Variants in HNF1A observed in about 807,000 individuals in gnomAD.
HNF1A encodes HNF1 homeobox A, also known as hepatocyte nuclear factor 1-alpha.
In HNF1A, 21 loss-of-function variants were observed where a neutral mutation model predicts 62.2. The observed-to-expected ratio is 0.34, with a 90% CI of 0.24 to 0.49. The LOEUF (loss-of-function observed/expected upper bound fraction) is 0.49, where lower values mean the gene tolerates loss of function less well. Ranked by LOEUF, HNF1A falls within the 20% of genes least tolerant of loss-of-function variation. The pLI, the probability that HNF1A is intolerant of heterozygous loss-of-function variation, is 0.99. For missense variants in HNF1A, 687 were observed against 832.3 expected, an observed-to-expected ratio of 0.83 and a Z score of 2.15; for synonymous variants, 374 against 366.8, an observed-to-expected ratio of 1.02 and a Z score of -0.22.
Position 120,993,632 on chromosome 12 carries a change from C to T in HNF1A, c.639C>T (p.Ile213=). The T allele has an allele frequency of 6.2e-7, 1 of 1,614,124 alleles. No homozygotes were observed. Among genetic ancestry groups the T allele is most frequent in the Non-Finnish European group, 8.5e-7 (1 of 1,180,024 alleles). Residue 213 remains isoleucine (I), a synonymous_variant, in exon 3 of 10, where the codon ATC becomes ATT. Transcript: ENST00000257555. ...AGTGGGGCCCAGCATCCCAGCAGAT[C>T]CTGTTCCAGGCCTATGAGAGGCAGA... ...RFKWGPASQQ[I]LFQAYERQKN...
At position 120,999,339 on chromosome 12, in the gene HNF1A, A is replaced by G; in HGVS notation, c.1573A>G (p.Thr525Ala). Residue 525 changes from threonine to alanine, a missense_variant, in exon 8 of 10, where the codon ACC (threonine) becomes GCC (alanine). Coordinates refer to ENST00000257555, the MANE Select transcript of HNF1A (RefSeq NM_000545.8). ...CCTGCTCCCGCAGACTATGCTCATCACCGACACCACCAACCTGAGCGCCCT... is the reference window on the plus strand; with the variant it reads ...CCTGCTCCCGCAGACTATGCTCATCGCCGACACCACCAACCTGAGCGCCCT... The part of the protein sequence containing the change: ...TGLLPQTMLI[T>A]DTTNLSALAS... 2 of 1,613,842 alleles carry G rather than the reference A, an allele frequency of 1.2e-6. No homozygotes were observed. Among genetic ancestry groups the G allele is most frequent in the Non-Finnish European group, 1.7e-6 (2 of 1,179,956 alleles).
At chr12:120,989,982 A>G (rs1462693792) in intron 2 of HNF1A, among the ~76,000 whole-genome samples, 1 of 152,106 alleles carries the variant, frequency 6.6e-6, no homozygotes, top group African/African-American at 2.4e-5. Flanking sequence ...CTGCAAACTC[A>G]GGAAGCTCTG....
At chr12:120,997,045 A>G in intron 6 of HNF1A, 1 of 1,439,090 alleles carries the variant, frequency 6.9e-7, no homozygotes, top group Non-Finnish European at 9.2e-7. Flanking sequence ...GATGTTTTCT[A>G]AGTTTTTGTT....
chr12:120,995,647 C>T (rs992881292), intron 4 of HNF1A, among the ~76,000 whole-genome samples: 2 of 151,870 alleles, frequency 1.3e-5, no homozygotes, highest in Non-Finnish European at 2.9e-5. Context: ...TGTGTTCACA[C>T]AACTCCATCC....
In HNF1A at chr12:120,986,106, G is replaced by A. The variant is rs552460829; in HGVS notation, c.327-2727G>A. On this transcript the variant is annotated intron_variant, in intron 1 of 9. Transcript: ENST00000257555. ...TTCTCACTCCCATCCCCAGCACCCC[G>A]TTCTCCTCTGGAAGGAACCAGAGTC... Among the ~76,000 whole-genome samples the A allele has an allele frequency of 1.1e-4, 17 of 152,174 alleles. No individual in the cohort carries two copies. In the East Asian group the frequency reaches 2.7e-3, roughly 24 times the overall value.
chr12:120,990,599 T>G, intron 2 of HNF1A, among the ~76,000 whole-genome samples: 1 of 114,962 alleles, frequency 8.7e-6, no homozygotes, highest in East Asian at 3.6e-4. Flanking sequence ...GGAAAGATGA[T>G]AGGAAAGGGA....
chr12:120,997,447 A>T, intron 6 of HNF1A, 27 bp from the exon 7 acceptor site: 3 of 1,585,446 alleles, frequency 1.9e-6, no homozygotes, highest in Non-Finnish European at 1.7e-6. Flanking sequence ...TGGGGGGCCC[A>T]GCTGATTCCC....
intron 1 of HNF1A, among the ~76,000 whole-genome samples, chr12:120,980,259 G>A (rs946195736): frequency 6.6e-5 from 10 of 152,136 alleles, no homozygotes; most frequent in East Asian, 1.9e-4. Context: ...TGCTATGACC[G>A]GGGACCAGAG....
chr12:120,979,125 G>A, intron 1 of HNF1A, 31 bp downstream of exon 1: 3 of 1,577,496 alleles, frequency 1.9e-6, no homozygotes, highest in Non-Finnish European at 2.6e-6. Flanking sequence ...CCCGCTCCCA[G>A]GAGAGCCTAG....
Position 120,993,535 on chromosome 12 carries a change from G to C in HNF1A, c.542G>C (p.Gly181Ala), listed in dbSNP as rs773315874. ...REVAQQFTHA[G>A]QGGLIEEPTG... The stretch of plus-strand genomic sequence containing the variant: ...GTGCCTGCAGAGTTCACCCATGCAG[G>C]GCAGGGAGGGCTGATTGAAGAGCCC... The change falls in exon 3 of 10, where the codon GGG (glycine) becomes GCG (alanine). Residue 181 changes from glycine to alanine, a missense_variant. By Grantham distance (60) the Gly-to-Ala change is moderately conservative (BLOSUM62 0). Coordinates refer to ENST00000257555, the MANE Select transcript of HNF1A (RefSeq NM_000545.8). The C allele has an allele frequency of 1.3e-5, 21 of 1,613,966 alleles. No homozygotes were observed. In the Admixed American group the frequency reaches 3.3e-4, roughly 26 times the overall value.
At position 121,000,980 on chromosome 12, in the gene HNF1A, C is replaced by A. The variant is rs375712046; in HGVS notation, c.1769-85C>A. ...GATCCAGGAGGTGTGGCCCTGCCTC[C>A]CCATCCTGAGTACCCCTAGGGACAG... On this transcript the variant is annotated intron_variant, in intron 9 of 9. Transcript: ENST00000257555. The A allele has an allele frequency of 3.0e-5, 48 of 1,577,616 alleles. No individual in the cohort carries two copies. The African/African-American group carries it at 5.5e-4, about 18-fold the overall frequency.
In HNF1A at chr12:120,989,670, C is replaced by T. The variant is rs117229562; in HGVS notation, c.526+638C>T. On this transcript the variant is annotated intron_variant, in intron 2 of 9. Transcript: ENST00000257555. Reference sequence around the variant, plus strand: ...GGGACAACAGCAGCCACAACAACAACAATAATGGCCACTATTTATCATGCA... The same window carrying T: ...GGGACAACAGCAGCCACAACAACAATAATAATGGCCACTATTTATCATGCA... Among the ~76,000 whole-genome samples, 77 of 152,280 alleles carry T rather than the reference C, an allele frequency of 5.1e-4. 1 individual carries two copies. The East Asian group carries it at 0.014, about 27-fold the overall frequency.
chr12:120,981,823 G>A (rs182023520), intron 1 of HNF1A, among the ~76,000 whole-genome samples: 1 of 152,336 alleles, frequency 6.6e-6, no homozygotes, highest in East Asian at 1.9e-4. Context: ...GCTCTTCAAG[G>A]ACAAGGCCCG....
intron 3 of HNF1A, among the ~76,000 whole-genome samples, 186 bp from the exon 4 acceptor site, chr12:120,993,978 T>C (rs1211700769): frequency 6.6e-6 from 1 of 152,168 alleles, no homozygotes; most frequent in Admixed American, 6.5e-5. Context: ...ACTTTATGAA[T>C]GGAGAGACTG....
chr12:120,999,584 C>G lies in HNF1A; in HGVS notation c.1725C>G (p.Ile575Met). The G allele has an allele frequency of 1.9e-6, 3 of 1,612,392 alleles. No individual in the cohort carries two copies. The highest frequency in any genetic ancestry group is 2.5e-6 in the Non-Finnish European group (3 of 1,179,720). Residue 575 changes from isoleucine to methionine, a missense_variant, in exon 9 of 10, where the codon ATC (isoleucine) becomes ATG (methionine). By Grantham distance (10) the Ile-to-Met change is conservative. Around this residue, in one of 5 missense-constraint regions of HNF1A, gnomAD observed 408 missense variants for 455.3 expected, o/e 0.90. Coordinates refer to ENST00000257555, the MANE Select transcript of HNF1A (RefSeq NM_000545.8). ...TCCCCAGCCAGGACCCTGCCAGCATCCAGCACCTGCAGCCGGCCCACCGGC... is the reference window on the plus strand; with the variant it reads ...TCCCCAGCCAGGACCCTGCCAGCATGCAGCACCTGCAGCCGGCCCACCGGC... ...LHVPSQDPAS[I>M]QHLQPAHRLS...
In HNF1A at chr12:121,002,350, C is replaced by CTGCCA; in HGVS notation, c.*1158_*1159insTGCCA. On this transcript the variant is annotated 3_prime_UTR_variant, in exon 10 of 10. Coordinates refer to ENST00000257555, the MANE Select transcript of HNF1A (RefSeq NM_000545.8). ...CCCAGGACAAGCATGGTCCCACATC[C>CTGCCA]CTGGGCCTGCTGCTGAGAACCTGGC... The CTGCCA allele has an allele frequency of 2.1e-6, 1 of 484,502 alleles. No homozygotes were observed. The highest frequency in any genetic ancestry group is 4.0e-6 in the Non-Finnish European group (1 of 252,880). The allele number at this position is 484,502 out of a possible 1,614,324, so 30.0% of individuals were successfully genotyped here.
intron 1 of HNF1A, among the ~76,000 whole-genome samples, chr12:120,985,940 G>A (rs146244292): frequency 1.3e-5 from 2 of 150,892 alleles, no homozygotes; most frequent in East Asian, 2.0e-4. Flanking sequence ...AGCTGAGCTC[G>A]CGCCACTGCA....
intron 7 of HNF1A, among the ~76,000 whole-genome samples, chr12:120,998,647 G>A (rs115626486): frequency 3.5e-4 from 54 of 152,164 alleles, no homozygotes; most frequent in African/African-American, 1.1e-3. Context: ...GTTTATGTGC[G>A]TTTTCCTAGT....
At chr12:120,991,628 GA>G (rs1565884924) in intron 2 of HNF1A, among the ~76,000 whole-genome samples, 1,251 of 53,208 alleles carry the variant, frequency 0.024, 22 homozygotes, top group African/African-American at 0.11. Flanking sequence ...ATGTATGTAT[GA>G]TGTATGTATG....
Sources: gnomAD v4.1 joint callset for allele counts (sites outside exome capture counted in the v4.1 genomes callset) on GRCh38, gnomAD v4.1.1 for gene constraint, gnomAD v4.1.1 regional missense constraint, MANE v1.5 for transcripts, NCBI Gene and HGNC (gene_info 2026-07-23, HGNC 2026-07-21) for gene names.